Variants in SYNPR observed in about 807,000 individuals in gnomAD.
SYNPR encodes synaptoporin.
Under a neutral mutation model 32.9 loss-of-function variants are expected in SYNPR, and 23 were observed. The observed-to-expected ratio is 0.70, with a 90% confidence interval of 0.50 to 0.99. SYNPR has a LOEUF of 0.99. Ranked by LOEUF, SYNPR falls within the 50% of genes least tolerant of loss-of-function variation. SYNPR has a pLI of 0.00. For synonymous variants in SYNPR, 146 were observed against 135.9 expected (o/e 1.07, Z -0.52); for missense variants, 318 against 349.3 (o/e 0.91, Z 0.71).
chr3:63,203,018 G>T, the SYNPR span, among the ~76,000 whole-genome samples: 1 of 136,608 alleles, frequency 7.3e-6, no homozygotes, highest in African/African-American at 2.9e-5. Context: ...TTGGTTCTTT[G>T]TTTTTTTCAA....
chr3:63,241,613 T>A (rs891530767), intron 1 of SYNPR, among the ~76,000 whole-genome samples: 6 of 152,068 alleles, frequency 3.9e-5, no homozygotes, highest in Non-Finnish European at 7.4e-5. Context: ...TTCCTATATC[T>A]TGATATACAT....
At chr3:63,606,064 A>G (rs935057336) in intron 4 of SYNPR, among the ~76,000 whole-genome samples, 3 of 152,216 alleles carry the variant, frequency 2.0e-5, no homozygotes, top group Admixed American at 1.3e-4. Context: ...CCTCACTATC[A>G]TCCTACAAGA....
intron 3 of SYNPR, among the ~76,000 whole-genome samples, chr3:63,270,707 T>C (rs1442421761): frequency 1.3e-5 from 2 of 152,202 alleles, no homozygotes; most frequent in Non-Finnish European, 2.9e-5. Flanking sequence ...GTTCCATTAT[T>C]TATAAGATGT....
At chr3:63,408,312 G>GAAA in intron 2 of SYNPR, among the ~76,000 whole-genome samples, 2 of 109,630 alleles carry the variant, frequency 1.8e-5, no homozygotes, top group Non-Finnish European at 3.5e-5. Context: ...AGGAAGGAAG[G>GAAA]AAGGAAGGAA....
chr3:63,604,694 G>C (rs1170685036), intron 4 of SYNPR, among the ~76,000 whole-genome samples: 1 of 152,016 alleles, frequency 6.6e-6, no homozygotes. Context: ...ATTGCTCTGT[G>C]GTACATGAAC....
intron 2 of SYNPR, among the ~76,000 whole-genome samples, chr3:63,304,739 C>T (rs941568576): frequency 3.3e-5 from 5 of 151,456 alleles, no homozygotes; most frequent in Admixed American, 6.6e-5. Flanking sequence ...TTGTCATGAA[C>T]AGTTGGCCTT....
At chr3:63,329,017 G>A (rs1171887248) in intron 2 of SYNPR, among the ~76,000 whole-genome samples, 1 of 152,034 alleles carries the variant, frequency 6.6e-6, no homozygotes, top group Non-Finnish European at 1.5e-5. Flanking sequence ...AGCTATCACA[G>A]TTCTAAAAAT....
chr3:63,606,417 CTTTTTTTTTT>C (rs61299069), intron 4 of SYNPR, among the ~76,000 whole-genome samples: 1 of 68,300 alleles, frequency 1.5e-5, no homozygotes, highest in Non-Finnish European at 2.9e-5. Flanking sequence ...CAAATCCTTT[CTTTTTTTTTT>C]TTTTTTTTTT....
At chr3:63,313,859 C>G (rs1469082608) in intron 2 of SYNPR, among the ~76,000 whole-genome samples, 8 of 31,070 alleles carry the variant, frequency 2.6e-4, no homozygotes, top group Non-Finnish European at 3.7e-4. Context: ...ATATATATAT[C>G]CATATATATA....
chr3:63,275,885 C>T (rs1055000750), upstream of SYNPR, among the ~76,000 whole-genome samples: 1 of 152,128 alleles, frequency 6.6e-6, no homozygotes, highest in Non-Finnish European at 1.5e-5. Context: ...AGAGGATGAA[C>T]ACAAGGACCA....
chr3:63,380,421 C>T (rs1383565104), intron 2 of SYNPR, among the ~76,000 whole-genome samples: 1 of 152,212 alleles, frequency 6.6e-6, no homozygotes, highest in Non-Finnish European at 1.5e-5. Context: ...TTTTGATTTG[C>T]ACTTCTCTGA....
intron 4 of SYNPR, among the ~76,000 whole-genome samples, chr3:63,561,674 T>A (rs968732261): frequency 6.6e-6 from 1 of 152,168 alleles, no homozygotes. Context: ...GTACTAGAAC[T>A]ACTAGAGGGT....
At chr3:63,463,560 A>C (rs564267024) in intron 2 of SYNPR, among the ~76,000 whole-genome samples, 3 of 152,158 alleles carry the variant, frequency 2.0e-5, no homozygotes, top group Non-Finnish European at 2.9e-5. Flanking sequence ...TCTCTGTCAG[A>C]GCAGAAGTTC....
At chr3:63,544,864 CA>C (rs1460747607) in intron 3 of SYNPR, among the ~76,000 whole-genome samples, 1 of 151,686 alleles carries the variant, frequency 6.6e-6, no homozygotes, top group African/African-American at 2.4e-5. Flanking sequence ...TCCATCATCT[CA>C]TTCAAACTTC....
intron 2 of SYNPR, among the ~76,000 whole-genome samples, chr3:63,318,123 G>C (rs1332747030): frequency 6.6e-6 from 1 of 152,038 alleles, no homozygotes; most frequent in Non-Finnish European, 1.5e-5. Flanking sequence ...TGAGAAATCT[G>C]CTGTTAATCT....
chr3:63,251,877 C>A (rs2086334943), intron 1 of SYNPR, among the ~76,000 whole-genome samples: 2 of 151,858 alleles, frequency 1.3e-5, no homozygotes, highest in South Asian at 2.1e-4. Flanking sequence ...TGAACTCACA[C>A]AGATCACGTT....
the SYNPR span, among the ~76,000 whole-genome samples, chr3:63,218,928 A>G: frequency 2.6e-5 from 4 of 152,200 alleles, no homozygotes; most frequent in African/African-American, 7.2e-5. Flanking sequence ...TTTTGCAAAT[A>G]TTTATGGAGC....
intron 4 of SYNPR, among the ~76,000 whole-genome samples, chr3:63,573,851 C>T (rs147624093): frequency 3.3e-5 from 5 of 152,172 alleles, no homozygotes; most frequent in Admixed American, 2.0e-4. Context: ...GACAGGATGC[C>T]GCCGCCAAAT....
At chr3:63,448,940 A>G (rs1700330890) in intron 2 of SYNPR, among the ~76,000 whole-genome samples, 1 of 152,174 alleles carries the variant, frequency 6.6e-6, no homozygotes, top group South Asian at 2.1e-4. Flanking sequence ...AACAAGAGTG[A>G]ATCCACTTAT....
Sources: gnomAD v4.1 joint callset for allele counts (sites outside exome capture counted in the v4.1 genomes callset) on GRCh38, gnomAD v4.1.1 for gene constraint, MANE v1.5 for transcripts, NCBI Gene and HGNC (gene_info 2026-07-23, HGNC 2026-07-21) for gene names.